KAZN: variants seen among roughly 807,000 people sequenced by gnomAD.
The protein encoded by KAZN is kazrin, periplakin interacting protein.
In KAZN, 40 loss-of-function variants were observed where a neutral mutation model predicts 87.4. The observed-to-expected ratio is 0.46, with a 90% CI of 0.36 to 0.60. The LOEUF (loss-of-function observed/expected upper bound fraction) is 0.60. Ranked by LOEUF, KAZN falls within the 20% of genes least tolerant of loss-of-function variation. The pLI, the probability that KAZN is intolerant of heterozygous loss-of-function variation, is 0.00. For synonymous variants in KAZN, 466 were observed against 458.3 expected (o/e 1.02, Z -0.22); for missense variants, 898 against 1,073.9 (o/e 0.84, Z 2.29).
chr1:13,939,608 CA>C (rs1385397541), intron 1 of KAZN, among the ~76,000 whole-genome samples: 9 of 152,238 alleles, frequency 5.9e-5, no homozygotes, highest in South Asian at 2.1e-4. Context: ...TACCCAGTTC[CA>C]AAGTCACTTC....
chr1:14,743,233 A>T (rs1034293704), intron 1 of KAZN, among the ~76,000 whole-genome samples: 12 of 151,930 alleles, frequency 7.9e-5, no homozygotes, highest in Non-Finnish European at 2.9e-5. Flanking sequence ...GGAGTTCGAG[A>T]CCAGCCTGGC....
intron 2 of KAZN, among the ~76,000 whole-genome samples, chr1:14,966,893 C>A (rs991926248): frequency 6.6e-6 from 1 of 152,108 alleles, no homozygotes; most frequent in Non-Finnish European, 1.5e-5. Context: ...TGGTCTTGAA[C>A]CCCTGACCTC....
intron 2 of KAZN, among the ~76,000 whole-genome samples, chr1:14,450,672 G>T (rs368414063): frequency 3.3e-5 from 5 of 152,250 alleles, no homozygotes; most frequent in African/African-American, 1.2e-4. Context: ...ATGGTGGGGC[G>T]TGGGAAAAAT....
chr1:14,637,626 G>A (rs1444574261), intron 1 of KAZN, among the ~76,000 whole-genome samples: 1 of 152,102 alleles, frequency 6.6e-6, no homozygotes, highest in Non-Finnish European at 1.5e-5. Flanking sequence ...AAGTGGGAGT[G>A]TGTGTGTGGG....
At chr1:14,551,603 C>G (rs1673525848) in intron 2 of KAZN, among the ~76,000 whole-genome samples, 1 of 152,130 alleles carries the variant, frequency 6.6e-6, no homozygotes, top group Admixed American at 6.5e-5. Flanking sequence ...GTGTTCGTTC[C>G]TTTCTAGGTC....
chr1:15,037,851 C>T (rs901230862), intron 3 of KAZN, among the ~76,000 whole-genome samples: 1 of 152,122 alleles, frequency 6.6e-6, no homozygotes, highest in African/African-American at 2.4e-5. Context: ...GAAAGGAACC[C>T]AGACAAGTCC....
chr1:14,252,539 C>G (rs772118570), intron 2 of KAZN, among the ~76,000 whole-genome samples: 7 of 152,160 alleles, frequency 4.6e-5, no homozygotes, highest in Admixed American at 3.9e-4. Flanking sequence ...ACATTCCTGT[C>G]CAGCAACTCA....
intron 1 of KAZN, among the ~76,000 whole-genome samples, chr1:14,788,599 T>G (rs1645580522): frequency 1.3e-5 from 2 of 152,084 alleles, no homozygotes. Flanking sequence ...GAATAAAAGA[T>G]GCATTGAGAC....
At chr1:14,595,758 C>T (rs892004850), upstream of KAZN, among the ~76,000 whole-genome samples, 2 of 151,726 alleles carry the variant, frequency 1.3e-5, no homozygotes, top group Non-Finnish European at 2.9e-5. Context: ...CAAGTATACC[C>T]GCAGAGGCTA....
chr1:15,096,686 A>G lies in KAZN; in HGVS notation c.1547+1753A>G, dbSNP rs1479998806. Reference sequence around the variant, plus strand: ...GGGGAGGGCTCTCTTCCTGGCTTGCAGAAGGCAACCTTCTTGCTGTGTCCT... The same window carrying G: ...GGGGAGGGCTCTCTTCCTGGCTTGCGGAAGGCAACCTTCTTGCTGTGTCCT... On this transcript the variant is annotated intron_variant, in intron 10 of 14. Coordinates refer to ENST00000376030, the MANE Select transcript of KAZN (RefSeq NM_201628.3). The surrounding 1 kb of genome is among the most constrained non-coding windows in gnomAD (Gnocchi z 4.5). Among the ~76,000 whole-genome samples, 1 of 152,232 alleles carries G rather than the reference A, an allele frequency of 6.6e-6. No individual in the cohort carries two copies. Among genetic ancestry groups the G allele is most frequent in the Non-Finnish European group, 1.5e-5 (1 of 68,038 alleles).
chr1:14,374,403 G>A (rs894457683), intron 2 of KAZN, among the ~76,000 whole-genome samples: 1 of 152,220 alleles, frequency 6.6e-6, no homozygotes, highest in African/African-American at 2.4e-5. Context: ...GGGAGAAGGG[G>A]ACAGCGTCTG....
chr1:14,453,651 C>T (rs1481920112), intron 2 of KAZN, among the ~76,000 whole-genome samples: 1 of 152,148 alleles, frequency 6.6e-6, no homozygotes, highest in African/African-American at 2.4e-5. Context: ...GCCTGGCCAA[C>T]ATGGCAAAAC....
intron 2 of KAZN, among the ~76,000 whole-genome samples, chr1:14,405,605 A>AGTGT (rs1553167624): frequency 2.3e-5 from 2 of 86,226 alleles, no homozygotes; most frequent in South Asian, 8.4e-4. Context: ...GACCCAATAA[A>AGTGT]ATGTGTGTGT....
intron 1 of KAZN, among the ~76,000 whole-genome samples, chr1:13,990,064 T>C (rs2101106896): frequency 6.6e-6 from 1 of 152,318 alleles, no homozygotes; most frequent in African/African-American, 2.4e-5. Flanking sequence ...AAAAGAACTT[T>C]TCTGAACTCT....
intron 2 of KAZN, among the ~76,000 whole-genome samples, chr1:14,482,202 G>A (rs961689705): frequency 7.2e-5 from 11 of 152,192 alleles, no homozygotes; most frequent in African/African-American, 2.7e-4. Flanking sequence ...CCCGCTAGCT[G>A]ATACCCCAAC....
intron 2 of KAZN, among the ~76,000 whole-genome samples, chr1:14,293,214 G>A (rs919133030): frequency 4.6e-5 from 7 of 152,120 alleles, no homozygotes; most frequent in Admixed American, 1.3e-4. Flanking sequence ...CTCCAGCCCC[G>A]AAGGGAACCA....
At chr1:15,110,326 TG>T (rs1009240146) in intron 13 of KAZN, among the ~76,000 whole-genome samples, 2 of 151,930 alleles carry the variant, frequency 1.3e-5, no homozygotes, top group Admixed American at 1.3e-4. Context: ...TATTTGTGTG[TG>T]GGCATATTGT....
intron 2 of KAZN, among the ~76,000 whole-genome samples, chr1:14,308,509 A>AT (rs926138394): frequency 2.0e-5 from 3 of 152,192 alleles, no homozygotes; most frequent in Admixed American, 6.5e-5. Flanking sequence ...CAATTCTTGT[A>AT]TTTTTTCTGG....
chr1:14,596,312 A>G (rs200719775), upstream of KAZN, among the ~76,000 whole-genome samples: 11,600 of 27,146 alleles, frequency 0.43, 1,508 homozygotes, highest in African/African-American at 0.54. Flanking sequence ...GTGTGCGCAC[A>G]CACACACACA....
Sources: gnomAD v4.1 joint callset for allele counts (sites outside exome capture counted in the v4.1 genomes callset) on GRCh38, gnomAD v4.1.1 for gene constraint, Gnocchi (gnomAD v3.1) non-coding constraint, MANE v1.5 for transcripts, NCBI Gene and HGNC (gene_info 2026-07-23, HGNC 2026-07-21) for gene names.